Variants in BATF observed in about 807,000 individuals in gnomAD.
BATF encodes basic leucine zipper transcriptional factor ATF-like.
Under a neutral mutation model 13.7 loss-of-function variants are expected in BATF, and 5 were observed. The observed-to-expected ratio is 0.36, with a 90% CI of 0.19 to 0.77. The LOEUF is 0.77. Among genes scored for constraint, BATF ranks in the 30% least tolerant of loss-of-function variants. The pLI, the probability that BATF is intolerant of heterozygous loss-of-function variation, is 0.51. For missense variants in BATF, 124 were observed against 163.0 expected, an observed-to-expected ratio of 0.76 and a Z score of 1.30; for synonymous variants, 72 against 67.5, an observed-to-expected ratio of 1.07 and a Z score of -0.33.
chr14:75,529,493 T>C (rs982637063), intron 2 of BATF, among the ~76,000 whole-genome samples: 1 of 151,948 alleles, frequency 6.6e-6, no homozygotes, highest in African/African-American at 2.4e-5. Context: ...CTAAAGAAAC[T>C]TGAAAAGACA....
chr14:75,537,039 GTTC>G (rs142263347), intron 2 of BATF, among the ~76,000 whole-genome samples: 12,160 of 152,170 alleles, frequency 0.08, 640 homozygotes, highest in Non-Finnish European at 0.12. Flanking sequence ...GAACACACAC[GTTC>G]TTCTTTCTGG....
At chr14:75,533,737 T>A (rs1451351622) in intron 2 of BATF, among the ~76,000 whole-genome samples, 1 of 152,152 alleles carries the variant, frequency 6.6e-6, no homozygotes, top group Non-Finnish European at 1.5e-5. Flanking sequence ...CGGGTTCACA[T>A]GATGGCTTGT....
intron 2 of BATF, among the ~76,000 whole-genome samples, chr14:75,542,809 G>A (rs1230333767): frequency 6.6e-6 from 1 of 152,206 alleles, no homozygotes; most frequent in East Asian, 1.9e-4. Flanking sequence ...AGCAGGCAGC[G>A]GTTACAAACT....
At chr14:75,542,687 C>T (rs984095773) in intron 2 of BATF, among the ~76,000 whole-genome samples, 38 of 152,366 alleles carry the variant, frequency 2.5e-4, no homozygotes, top group Middle Eastern at 3.4e-3. Context: ...GCTGGCTGCA[C>T]GGTCCCTGGG....
chr14:75,540,552 G>T (rs1440774299), intron 2 of BATF, among the ~76,000 whole-genome samples: 2 of 152,200 alleles, frequency 1.3e-5, no homozygotes, highest in Non-Finnish European at 2.9e-5. Context: ...GACTTTAAAG[G>T]CAAGAAAGGA....
chr14:75,532,889 C>A (rs546848618), intron 2 of BATF, among the ~76,000 whole-genome samples: 5 of 152,110 alleles, frequency 3.3e-5, no homozygotes, highest in Non-Finnish European at 5.9e-5. Context: ...AAAGAGATAT[C>A]CGGAAGGATA....
intron 2 of BATF, among the ~76,000 whole-genome samples, chr14:75,530,961 ATTCT>A (rs970682161): frequency 2.6e-5 from 4 of 152,248 alleles, no homozygotes; most frequent in Non-Finnish European, 5.9e-5. Context: ...GATACTTGGC[ATTCT>A]TTACCTTTTA....
chr14:75,536,971 G>A (rs1379013741), intron 2 of BATF, among the ~76,000 whole-genome samples: 3 of 152,030 alleles, frequency 2.0e-5, no homozygotes, highest in Admixed American at 2.0e-4. Context: ...CTGTTCCTTT[G>A]TTTAATGCAG....
chr14:75,528,701 G>A (rs923434960), intron 2 of BATF, among the ~76,000 whole-genome samples: 4 of 152,158 alleles, frequency 2.6e-5, no homozygotes, highest in Non-Finnish European at 5.9e-5. Context: ...AAAAGAGAAA[G>A]GCATAACTTG....
chr14:75,527,133 A>G (rs1887664939), intron 2 of BATF, among the ~76,000 whole-genome samples: 1 of 152,180 alleles, frequency 6.6e-6, no homozygotes. Context: ...TAACTACCCT[A>G]TACAGATCGT....
intron 2 of BATF, among the ~76,000 whole-genome samples, chr14:75,536,942 T>C (rs1271139611): frequency 6.6e-6 from 1 of 151,384 alleles, no homozygotes; most frequent in Non-Finnish European, 1.5e-5. Flanking sequence ...CAAAGCAATA[T>C]TGTCATTTTT....
intron 1 of BATF, among the ~76,000 whole-genome samples, chr14:75,523,779 C>T (rs982171472): frequency 3.3e-5 from 5 of 152,100 alleles, no homozygotes; most frequent in Non-Finnish European, 5.9e-5. Flanking sequence ...TTGAACAGGG[C>T]GTATATCCTA....
At chr14:75,545,388 A>ATTTTT (rs35791450) in intron 2 of BATF, among the ~76,000 whole-genome samples, 2,905 of 105,068 alleles carry the variant, frequency 0.028, 128 homozygotes, top group African/African-American at 0.1. Flanking sequence ...CGCCTGGTTA[A>ATTTTT]TTTTTTTTTT....
rs765112952 is a variant in BATF at position 75,522,786 on chromosome 14, C to T, written c.63+41C>T. The T allele has an allele frequency of 8.7e-6, 14 of 1,612,016 alleles. No individual in the cohort carries two copies. In the Admixed American group the frequency reaches 2.3e-4, roughly 27 times the overall value. ...TTCTCTCTCCTACCTTCTGATTCTC[C>T]TGGGGGATGGAAAGAGAGCCAGGCT... On this transcript the variant is annotated intron_variant, in intron 1 of 2. Coordinates refer to ENST00000286639, the MANE Select transcript of BATF (RefSeq NM_006399.5).
chr14:75,534,281 A>G (rs1339474550), intron 2 of BATF, among the ~76,000 whole-genome samples: 2 of 152,236 alleles, frequency 1.3e-5, no homozygotes, highest in Non-Finnish European at 1.5e-5. Flanking sequence ...GAGGCAATGA[A>G]CAGAAAGCTT....
At chr14:75,539,817 G>T (rs1887869872) in intron 2 of BATF, among the ~76,000 whole-genome samples, 1 of 152,236 alleles carries the variant, frequency 6.6e-6, no homozygotes, top group South Asian at 2.1e-4. Flanking sequence ...AATTTCCCCA[G>T]GAATGGTGGG....
At chr14:75,536,812 C>G (rs987206969) in intron 2 of BATF, among the ~76,000 whole-genome samples, 1 of 151,964 alleles carries the variant, frequency 6.6e-6, no homozygotes, top group South Asian at 2.1e-4. Flanking sequence ...TGGTGGGGAC[C>G]CAACTAATTC....
intron 1 of BATF, among the ~76,000 whole-genome samples, chr14:75,523,087 G>C (rs1173395977): frequency 6.6e-6 from 1 of 152,064 alleles, no homozygotes; most frequent in Non-Finnish European, 1.5e-5. Flanking sequence ...GTTCTCCAAG[G>C]CTGTAGAAAA....
At chr14:75,541,643 C>G (rs1887897714) in intron 2 of BATF, among the ~76,000 whole-genome samples, 1 of 152,064 alleles carries the variant, frequency 6.6e-6, no homozygotes, top group Non-Finnish European at 1.5e-5. Context: ...ACAGGGTAGC[C>G]AAGGACTTAT....
Sources: allele counts gnomAD v4.1 joint callset (sites outside exome capture counted in the v4.1 genomes callset), GRCh38; gene constraint gnomAD v4.1.1; transcripts MANE v1.5; gene names NCBI Gene and HGNC (gene_info 2026-07-23, HGNC 2026-07-21).